The following CTNNA3 variants were observed in gnomAD, a reference collection of about 807,000 sequenced individuals.
CTNNA3 encodes the protein catenin alpha 3.
A neutral mutation model predicts 95.7 loss-of-function variants in CTNNA3; 76 were observed. The observed-to-expected ratio is 0.79, with a 90% CI of 0.66 to 0.96. The LOEUF (loss-of-function observed/expected upper bound fraction) is 0.96. CTNNA3 is among the 40% of genes least tolerant of loss of function. The pLI, the probability that CTNNA3 is intolerant of heterozygous loss-of-function variation, is 0.00. For missense variants in CTNNA3, 1,191 were observed against 1,089.8 expected (o/e 1.09, Z -1.31); for synonymous variants, 431 against 374.4 (o/e 1.15, Z -1.74).
At chr10:66,346,240 T>TAGAGAG (rs1174877732) in intron 12 of CTNNA3, among the ~76,000 whole-genome samples, 3 of 11,364 alleles carry the variant, frequency 2.6e-4, no homozygotes, top group African/African-American at 3.8e-4. Context: ...TATATATATA[T>TAGAGAG]ATATATAGAG....
chr10:66,845,916 A>T (rs1843255249), intron 7 of CTNNA3, among the ~76,000 whole-genome samples: 1 of 151,872 alleles, frequency 6.6e-6, no homozygotes, highest in Admixed American at 6.6e-5. Context: ...AGATTACTTG[A>T]GCTCAGAAGT....
At chr10:67,685,971 TG>T (rs1003879896) in intron 1 of CTNNA3, among the ~76,000 whole-genome samples, 1 of 152,234 alleles carries the variant, frequency 6.6e-6, no homozygotes, top group Non-Finnish European at 1.5e-5. Flanking sequence ...CTTCTGTCTT[TG>T]ACTTTGTCTC....
At position 67,643,360 on chromosome 10, in the gene CTNNA3, C is replaced by T. The variant is rs550237587; in HGVS notation, c.99+4055G>A. On this transcript the variant is annotated intron_variant, in intron 2 of 17. Transcript: ENST00000433211. ...AGCATCAGGAAGAATAGCTAATGGA[C>T]GCTGGGCTTAATACCTAGGTGATGG... Among the ~76,000 whole-genome samples the T allele has an allele frequency of 6.6e-5, 10 of 151,726 alleles. No homozygotes were observed. In the South Asian group the frequency reaches 8.3e-4, roughly 13 times the overall value.
intron 15 of CTNNA3, among the ~76,000 whole-genome samples, chr10:65,995,341 G>T (rs530131139): frequency 6.6e-6 from 1 of 152,174 alleles, no homozygotes; most frequent in African/African-American, 2.4e-5. Flanking sequence ...CTGTAGTGTT[G>T]GTTTCACAGG....
At chr10:66,219,195 GTAA>G (rs2088759775) in intron 13 of CTNNA3, among the ~76,000 whole-genome samples, 2 of 152,090 alleles carry the variant, frequency 1.3e-5, no homozygotes, top group Admixed American at 6.6e-5. Context: ...AGCTGATGCT[GTAA>G]TAGGATGAGG....
chr10:66,063,211 T>TATATAG (rs1554838113), intron 15 of CTNNA3, among the ~76,000 whole-genome samples: 1 of 90,242 alleles, frequency 1.1e-5, no homozygotes, highest in African/African-American at 4.2e-5. Context: ...TATATATATA[T>TATATAG]ATAGATATAG....
In CTNNA3 at chr10:66,493,903, CT is replaced by C. The variant is rs1181967222; in HGVS notation, c.1531+26713del. 9.1e-3 allele frequency among the ~76,000 whole-genome samples: 892 copies of C among 98,132 alleles called. 2 individuals are homozygous for C. The highest frequency in any genetic ancestry group is 0.015 in the Middle Eastern group (2 of 134). The allele number at this position is 98,132 out of a possible 152,430, so 64.4% of individuals were successfully genotyped here. ...TACAGGCGTGAGCCACTGCGCCGGC[CT>C]TTTTTTTTTTTTTTTTTTTTTGAGA... On this transcript the variant is annotated intron_variant, in intron 11 of 17. Coordinates refer to ENST00000433211, the MANE Select transcript of CTNNA3 (RefSeq NM_013266.4).
intron 5 of CTNNA3, among the ~76,000 whole-genome samples, chr10:67,276,192 A>G (rs961267792): frequency 1.3e-5 from 2 of 152,198 alleles, no homozygotes; most frequent in Non-Finnish European, 2.9e-5. Context: ...GGATTATGGA[A>G]GAATTTAGGA....
At chr10:66,128,843 A>T (rs2394190) in intron 13 of CTNNA3, among the ~76,000 whole-genome samples, 32,493 of 151,986 alleles carry the variant, frequency 0.21, 3,647 homozygotes, top group Admixed American at 0.26. Context: ...CTGGTGGAGG[A>T]TGTTGATAAC....
chr10:67,225,268 T>C (rs1347365729), intron 5 of CTNNA3, among the ~76,000 whole-genome samples: 1 of 152,116 alleles, frequency 6.6e-6, no homozygotes, highest in Non-Finnish European at 1.5e-5. Flanking sequence ...CTGTCCCTAT[T>C]TGATGGTCCT....
In CTNNA3 at chr10:66,375,143, G is replaced by A. The variant is rs555435395; in HGVS notation, c.1732+4009C>T. On this transcript the variant is annotated intron_variant, in intron 12 of 17. Coordinates refer to ENST00000433211, the MANE Select transcript of CTNNA3 (RefSeq NM_013266.4). Reference sequence around the variant, plus strand: ...GGGTAGAGATATTTAAAAAGAGAGTGATGGCAGTTAATAATCTTGGCATGT... The same window carrying A: ...GGGTAGAGATATTTAAAAAGAGAGTAATGGCAGTTAATAATCTTGGCATGT... Among the ~76,000 whole-genome samples the A allele has an allele frequency of 5.3e-5, 8 of 151,826 alleles. No individual in the cohort carries two copies. In the South Asian group the frequency reaches 1.7e-3, roughly 32 times the overall value.
intron 9 of CTNNA3, among the ~76,000 whole-genome samples, chr10:66,695,333 T>A (rs1317944341): frequency 6.6e-6 from 1 of 152,152 alleles, no homozygotes; most frequent in Non-Finnish European, 1.5e-5. Context: ...CTCTGCTCAA[T>A]AGGAAGTATT....
At chr10:67,130,914 G>C (rs1333790364) in intron 7 of CTNNA3, among the ~76,000 whole-genome samples, 1 of 151,994 alleles carries the variant, frequency 6.6e-6, no homozygotes, top group African/African-American at 2.4e-5. Context: ...TTTTGGACAG[G>C]CATCAAGAAG....
At chr10:67,623,979 G>A (rs566243710) in intron 2 of CTNNA3, among the ~76,000 whole-genome samples, 9 of 152,134 alleles carry the variant, frequency 5.9e-5, no homozygotes, top group African/African-American at 1.4e-4. Context: ...GCACCACCAC[G>A]CCTGGCTAAT....
intron 17 of CTNNA3, among the ~76,000 whole-genome samples, chr10:65,931,010 T>C (rs1488818754): frequency 6.6e-6 from 1 of 152,178 alleles, no homozygotes; most frequent in African/African-American, 2.4e-5. Context: ...AGCTTCTCTA[T>C]TTTTTTGAAA....
chr10:67,173,825 A>G (rs1862120398), intron 7 of CTNNA3, among the ~76,000 whole-genome samples: 1 of 152,216 alleles, frequency 6.6e-6, no homozygotes, highest in South Asian at 2.1e-4. Flanking sequence ...ATGCCTAAAC[A>G]CTAGGGAGTA....
intron 13 of CTNNA3, among the ~76,000 whole-genome samples, chr10:66,159,472 A>G (rs993780630): frequency 1.3e-5 from 2 of 151,974 alleles, no homozygotes; most frequent in African/African-American, 4.8e-5. Flanking sequence ...ATTGACTTGC[A>G]TATGTTACCA....
At chr10:67,017,441 C>A (rs1852725692) in intron 7 of CTNNA3, among the ~76,000 whole-genome samples, 1 of 152,258 alleles carries the variant, frequency 6.6e-6, no homozygotes. Context: ...AAAAAGAAAT[C>A]TACTCTGTGA....
intron 11 of CTNNA3, among the ~76,000 whole-genome samples, chr10:66,463,662 A>G (rs2093544431): frequency 6.6e-6 from 1 of 152,136 alleles, no homozygotes; most frequent in Non-Finnish European, 1.5e-5. Flanking sequence ...GTAAGCTACA[A>G]AAGTTATGAG....
Sources: allele counts gnomAD v4.1 joint callset (sites outside exome capture counted in the v4.1 genomes callset), GRCh38; gene constraint gnomAD v4.1.1; transcripts MANE v1.5; gene names NCBI Gene and HGNC (gene_info 2026-07-23, HGNC 2026-07-21).